Variants in PLXNA4 observed in about 807,000 individuals in gnomAD.
PLXNA4 encodes the protein plexin A4.
Under a neutral mutation model 191.8 loss-of-function variants are expected in PLXNA4, and 44 were observed. That is an observed-to-expected ratio of 0.23 (90% CI 0.18 to 0.29). The LOEUF is 0.29. PLXNA4 is among the 10% of genes least tolerant of loss of function. The pLI, the probability that PLXNA4 is intolerant of heterozygous loss-of-function variation, is 1.00. For missense variants in PLXNA4, 1,800 were observed against 2,488.8 expected, an observed-to-expected ratio of 0.72 and a Z score of 5.89; for synonymous variants, 1,082 against 1,009.5, an observed-to-expected ratio of 1.07 and a Z score of -1.36.
chr7:132,230,669 G>A lies in PLXNA4; in HGVS notation c.1605-2200C>T, dbSNP rs572171332. 2.0e-5 allele frequency among the ~76,000 whole-genome samples: 3 copies of A among 152,304 alleles called. No individual in the cohort carries two copies. In the East Asian group the frequency reaches 5.8e-4, roughly 29 times the overall value. On this transcript the variant is annotated intron_variant, in intron 5 of 31. Transcript: ENST00000321063. ...CTTCAGCCATTAAGCTAATGTTATG[G>A]ACTTTTCCAGAGTGTCTGCACTGAC...
upstream of PLXNA4, chr7:132,576,478 G>A (rs112536474): frequency 0.013 from 13,243 of 985,508 alleles, 387 homozygotes; most frequent in African/African-American, 0.1. The surrounding 1 kb of genome is among the most constrained non-coding windows in gnomAD (Gnocchi z 5.8). Flanking sequence ...ACTGCAGATG[G>A]AGCCTATGCC....
chr7:132,339,032 T>C (rs185416635), intron 3 of PLXNA4, among the ~76,000 whole-genome samples: 6 of 152,210 alleles, frequency 3.9e-5, no homozygotes, highest in Non-Finnish European at 7.4e-5. Context: ...CATGGACCCA[T>C]CCAAGATGAG....
At position 132,489,434 on chromosome 7, in the gene PLXNA4, T is replaced by C; in HGVS notation, c.1229A>G (p.Asn410Ser). 6.3e-7 allele frequency: 1 copy of C among 1,587,462 alleles called. No individual in the cohort carries two copies. Among genetic ancestry groups the C allele is most frequent in the Non-Finnish European group, 8.6e-7 (1 of 1,157,876 alleles). The change falls in exon 3 of 32, where the codon AAT becomes AGT. Residue 410 changes from asparagine to serine, a missense_variant. By Grantham distance (46) the Asn-to-Ser change is conservative. This residue lies in a region of PLXNA4 where 1,397 missense variants were observed against 1,880.4 expected (regional missense o/e 0.74). Coordinates refer to ENST00000321063, the MANE Select transcript of PLXNA4 (RefSeq NM_020911.2). ...IDDNFCGLDM[N>S]APLGVSDMVR... ...CATGTCGGACACTCCCAGGGGAGCA[T>C]TCATGTCCAGGCCACAGAAGTTATC... is the stretch of plus-strand genomic sequence containing the variant.
intron 3 of PLXNA4, among the ~76,000 whole-genome samples, chr7:132,306,729 C>T (rs1490752831): frequency 1.3e-5 from 2 of 152,160 alleles, no homozygotes; most frequent in Non-Finnish European, 2.9e-5. Context: ...CCAGGAGACA[C>T]AAATGCACAC....
chr7:132,194,956 T>C (rs1180718584), intron 13 of PLXNA4, among the ~76,000 whole-genome samples: 2 of 151,870 alleles, frequency 1.3e-5, no homozygotes, highest in East Asian at 1.9e-4. Flanking sequence ...TATATCTATG[T>C]ATATATGTAT....
At chr7:132,208,134 T>A (rs1482475587) in intron 10 of PLXNA4, among the ~76,000 whole-genome samples, 1 of 152,198 alleles carries the variant, frequency 6.6e-6, no homozygotes, top group Admixed American at 6.5e-5. Flanking sequence ...AATTGCTTGA[T>A]GGTAAGAAGC....
chr7:132,315,699 A>G (rs1410040334), intron 3 of PLXNA4, among the ~76,000 whole-genome samples: 1 of 152,214 alleles, frequency 6.6e-6, no homozygotes, highest in African/African-American at 2.4e-5. Context: ...GAGAGGAAGC[A>G]GTGGTCAATT....
chr7:132,402,619 A>C (rs1428006069), intron 3 of PLXNA4, among the ~76,000 whole-genome samples: 1 of 152,228 alleles, frequency 6.6e-6, no homozygotes, highest in Admixed American at 6.5e-5. Context: ...TCCCCTCTCA[A>C]AGCCTGCTTT....
intron 1 of PLXNA4, among the ~76,000 whole-genome samples, chr7:132,525,861 AC>A (rs1799380867): frequency 6.6e-6 from 1 of 152,236 alleles, no homozygotes; most frequent in South Asian, 2.1e-4. Flanking sequence ...ATGTCAGCTC[AC>A]TAAAAGTCCT....
At chr7:132,267,210 CT>C (rs1554403085) in intron 4 of PLXNA4, among the ~76,000 whole-genome samples, 1 of 152,158 alleles carries the variant, frequency 6.6e-6, no homozygotes, top group Non-Finnish European at 1.5e-5. Context: ...ATCAGTTCAC[CT>C]TGGGAAGTGG....
At chr7:132,194,248 C>A in intron 13 of PLXNA4, 69 bp from the exon 14 acceptor site, 2 of 1,536,098 alleles carry the variant, frequency 1.3e-6, no homozygotes, top group Non-Finnish European at 1.8e-6. Context: ...CCCCACAGCA[C>A]CTACCCAGGT....
intron 9 of PLXNA4, among the ~76,000 whole-genome samples, chr7:132,222,591 T>C (rs1019500636): frequency 1.3e-5 from 2 of 152,088 alleles, no homozygotes; most frequent in Admixed American, 1.3e-4. Flanking sequence ...GTCTGAAAGA[T>C]ACACGCAAGA....
At chr7:132,204,969 G>A (rs1778831288) in intron 10 of PLXNA4, among the ~76,000 whole-genome samples, 1 of 152,128 alleles carries the variant, frequency 6.6e-6, no homozygotes, top group Admixed American at 6.5e-5. Context: ...CGCGTGCCAG[G>A]GCCAGAGAGC....
chr7:132,174,847 G>A lies in PLXNA4; in HGVS notation c.3948C>T (p.Asp1316=). The change falls in exon 21 of 32, where the codon GAC becomes GAT. Residue 1316 remains aspartate (D), a synonymous_variant. Transcript: ENST00000321063. ...GCACCCGCATGGTGTAAGTTCTATAGTCCAGGAACGGAATCCCGGCTCCAT... is the reference window on the plus strand; with the variant it reads ...GCACCCGCATGGTGTAAGTTCTATAATCCAGGAACGGAATCCCGGCTCCAT... ...DLDGAGIPFL[D]YRTYTMRVLF... is the part of the protein sequence containing the mutation. 1.2e-6 allele frequency: 2 copies of A among 1,614,218 alleles called. No homozygotes were observed. The highest frequency in any genetic ancestry group is 1.7e-6 in the Non-Finnish European group (2 of 1,180,040).
chr7:132,375,775 C>T (rs187012633), intron 3 of PLXNA4, among the ~76,000 whole-genome samples: 21 of 152,250 alleles, frequency 1.4e-4, no homozygotes, highest in Admixed American at 3.3e-4. Context: ...GGCAGAGCTA[C>T]ATGTGTTCAG....
intron 25 of PLXNA4, among the ~76,000 whole-genome samples, chr7:132,156,390 A>C (rs1054587345): frequency 9.2e-5 from 14 of 152,168 alleles, no homozygotes; most frequent in African/African-American, 3.4e-4. Flanking sequence ...AGTGATGATG[A>C]CAGGCAGGAG....
At chr7:132,629,857 CT>C (rs34620006) in intron 2 of PLXNA4, among the ~76,000 whole-genome samples, 14 of 149,102 alleles carry the variant, frequency 9.4e-5, no homozygotes, top group East Asian at 7.9e-4. Flanking sequence ...TGTCTCTTCT[CT>C]TTTTTTTTTG....
At chr7:132,300,866 T>C (rs1477970762) in intron 3 of PLXNA4, among the ~76,000 whole-genome samples, 2 of 152,224 alleles carry the variant, frequency 1.3e-5, no homozygotes, top group Non-Finnish European at 2.9e-5. Flanking sequence ...CTCCATCCAG[T>C]GCCCCTTGGC....
At chr7:132,517,464 T>C (rs548604872) in intron 1 of PLXNA4, among the ~76,000 whole-genome samples, 6 of 152,316 alleles carry the variant, frequency 3.9e-5, no homozygotes, top group Admixed American at 6.5e-5. Flanking sequence ...GAAAGAAACC[T>C]TTACTGTGAT....
Sources: gnomAD v4.1 joint callset for allele counts (sites outside exome capture counted in the v4.1 genomes callset) on GRCh38, gnomAD v4.1.1 for gene constraint, gnomAD v4.1.1 regional missense constraint, Gnocchi (gnomAD v3.1) non-coding constraint, MANE v1.5 for transcripts, NCBI Gene and HGNC (gene_info 2026-07-23, HGNC 2026-07-21) for gene names.